The following NFX1 variants were observed in gnomAD, a reference collection of about 807,000 sequenced individuals.
NFX1 encodes transcriptional repressor NF-X1.
In NFX1, 69 loss-of-function variants were observed where a neutral mutation model predicts 137.2. The ratio of observed to expected loss-of-function variants is 0.50; its 90% CI spans 0.41 to 0.61. NFX1 has a LOEUF of 0.61. Ranked by LOEUF, NFX1 falls within the 20% of genes least tolerant of loss-of-function variation. The probability of loss-of-function intolerance (pLI) is 0.00; values close to 1 mark genes in which losing one functional copy is unlikely to be tolerated. For missense variants in NFX1, 1,167 were observed against 1,391.0 expected, an observed-to-expected ratio of 0.84 and a Z score of 2.56; for synonymous variants, 495 against 474.1, an observed-to-expected ratio of 1.04 and a Z score of -0.57.
At chr9:33,368,473 C>A (rs183757919) in intron 23 of NFX1, among the ~76,000 whole-genome samples, 2 of 152,266 alleles carry the variant, frequency 1.3e-5, no homozygotes, top group East Asian at 3.9e-4. Context: ...AGTTGGGTGA[C>A]TGTTGGGCTT....
At chr9:33,314,362 G>A (rs538253413) in intron 7 of NFX1, among the ~76,000 whole-genome samples, 2 of 151,942 alleles carry the variant, frequency 1.3e-5, no homozygotes, top group South Asian at 2.1e-4. Context: ...TATGGACCTA[G>A]AAAGACCAAA....
At chr9:33,292,385 A>G (rs938284329) in intron 1 of NFX1, among the ~76,000 whole-genome samples, 1 of 152,206 alleles carries the variant, frequency 6.6e-6, no homozygotes, top group South Asian at 2.1e-4. Context: ...AGACTCTGCA[A>G]TGCCAGCCTT....
At chr9:33,351,920 TAGAG>T (rs1823652177) in intron 16 of NFX1, 130 bp downstream of exon 16, 1 of 779,526 alleles carries the variant, frequency 1.3e-6, no homozygotes, top group Non-Finnish European at 1.9e-6. Context: ...AACCACAAGT[TAGAG>T]AAAGGTAGAG....
intron 17 of NFX1, 29 bp from the exon 18 acceptor site, chr9:33,354,057 T>A (rs757895913): frequency 6.4e-7 from 1 of 1,561,424 alleles, no homozygotes; most frequent in South Asian, 1.2e-5. Context: ...CTGCAATGCC[T>A]CTTTTTCCCT....
Position 33,319,078 on chromosome 9 carries a change from G to A in NFX1, c.1857G>A (p.Val619=), listed in dbSNP as rs546376893. The A allele has an allele frequency of 1.2e-6, 2 of 1,614,084 alleles. No individual in the cohort carries two copies. The highest frequency in any genetic ancestry group is 2.7e-5 in the African/African-American group (2 of 74,918). The part of the protein sequence containing the change: ...SSSRKTCMDP[V]PSCGKVCGKP... Reference sequence around the variant, plus strand: ...GTCGGAAAACATGCATGGACCCTGTGCCTTCATGTGGAAAAGTGTGCGGCA... The same window carrying A: ...GTCGGAAAACATGCATGGACCCTGTACCTTCATGTGGAAAAGTGTGCGGCA... The change falls in exon 9 of 24, where the codon GTG becomes GTA. Residue 619 remains valine, a synonymous_variant. Transcript: ENST00000379540.
At chr9:33,352,283 A>G in intron 16 of NFX1, 1 of 410,654 alleles carries the variant, frequency 2.4e-6, no homozygotes, top group Non-Finnish European at 4.8e-6. Context: ...AGCCTGGTCT[A>G]AAGGATCAAG....
chr9:33,322,338 C>T (rs1822417813), intron 9 of NFX1, among the ~76,000 whole-genome samples: 1 of 151,912 alleles, frequency 6.6e-6, no homozygotes. Flanking sequence ...CTAGTTCCTT[C>T]CTCCTCCCCT....
At chr9:33,363,599 A>G (rs761492650) in intron 19 of NFX1, among the ~76,000 whole-genome samples, 4 of 152,160 alleles carry the variant, frequency 2.6e-5, no homozygotes, top group African/African-American at 7.2e-5. Flanking sequence ...ATGTATAAAA[A>G]TGAAGTGTAT....
At chr9:33,349,959 A>G (rs925688295) in intron 15 of NFX1, among the ~76,000 whole-genome samples, 15 of 152,024 alleles carry the variant, frequency 9.9e-5, no homozygotes, top group Admixed American at 9.8e-4. Context: ...GTGAGACACG[A>G]TTGTGCAACT....
chr9:33,352,955 G>A (rs2118644771), intron 17 of NFX1: 1 of 438,942 alleles, frequency 2.3e-6, no homozygotes, highest in Middle Eastern at 6.6e-4. Context: ...GTTTTATTGA[G>A]AGGGGTCTCG....
In NFX1 at chr9:33,294,462, A is replaced by G. The variant is rs530380363; in HGVS notation, c.68A>G (p.Gln23Arg). ...FNTDAAEFIP[Q>R]EKKNSGLNCG... is the part of the protein sequence containing the mutation. ...ACAGATGCTGCTGAATTCATTCCTC[A>G]GGAGAAAAAAAATTCTGGTCTAAAT... The change falls in exon 2 of 24, where the codon CAG becomes CGG. Residue 23 changes from glutamine to arginine, a missense_variant. By Grantham distance (43) the Gln-to-Arg change is conservative. Coordinates refer to ENST00000379540, the MANE Select transcript of NFX1 (RefSeq NM_002504.6). 3.1e-6 allele frequency: 5 copies of G among 1,602,642 alleles called. No individual in the cohort carries two copies. The African/African-American group carries it at 4.0e-5, about 13-fold the overall frequency.
At chr9:33,310,486 T>C (rs532468442) in intron 5 of NFX1, among the ~76,000 whole-genome samples, 1 of 152,314 alleles carries the variant, frequency 6.6e-6, no homozygotes, top group African/African-American at 2.4e-5. Context: ...GCTCCTAAAA[T>C]AGCATTTTTC....
intron 9 of NFX1, among the ~76,000 whole-genome samples, chr9:33,321,017 T>C (rs1449451743): frequency 6.6e-6 from 1 of 152,200 alleles, no homozygotes; most frequent in Non-Finnish European, 1.5e-5. Flanking sequence ...GGTTCTCTGC[T>C]TGCCATGAAA....
intron 5 of NFX1, among the ~76,000 whole-genome samples, chr9:33,308,211 G>A (rs1348423983): frequency 6.6e-6 from 1 of 152,158 alleles, no homozygotes; most frequent in African/African-American, 2.4e-5. Flanking sequence ...GGAAGCCAAG[G>A]CAGGAGGATT....
intron 3 of NFX1, among the ~76,000 whole-genome samples, chr9:33,302,663 TTTTG>T (rs1249490432): frequency 4.0e-5 from 6 of 151,554 alleles, no homozygotes; most frequent in Admixed American, 3.3e-4. Flanking sequence ...AGTGGTTTTT[TTTTG>T]TTTGTTTTTG....
intron 3 of NFX1, 66 bp downstream of exon 3, chr9:33,301,487 C>G: frequency 6.6e-7 from 1 of 1,506,310 alleles, no homozygotes; most frequent in Non-Finnish European, 8.9e-7. Context: ...ATTATTAAGC[C>G]CAGCTTTAAA....
rs563063677 is a variant in NFX1, at chr9:33,328,217, G to A, written c.1907-364G>A. 1.6e-3 allele frequency among the ~76,000 whole-genome samples: 241 copies of A among 151,394 alleles called. 1 individual carries two copies. The highest frequency in any genetic ancestry group is 5.5e-3 in the African/African-American group (225 of 41,246). On this transcript the variant is annotated intron_variant, in intron 9 of 23. Transcript: ENST00000379540. The stretch of plus-strand genomic sequence containing the variant: ...GCTTTTTTTTTTTTTGGTAGACACA[G>A]GGTTTCACCATGTTCCCAGGTGATC...
At chr9:33,355,298 G>C (rs917766695) in intron 19 of NFX1, among the ~76,000 whole-genome samples, 1 of 152,128 alleles carries the variant, frequency 6.6e-6, no homozygotes, top group Non-Finnish European at 1.5e-5. Flanking sequence ...GTAATCATTT[G>C]TGTCACTAAA....
At chr9:33,297,118 C>T (rs1003674144) in intron 2 of NFX1, among the ~76,000 whole-genome samples, 4 of 152,154 alleles carry the variant, frequency 2.6e-5, no homozygotes, top group African/African-American at 9.7e-5. Context: ...CTCACAGCTC[C>T]CCCTCTCCTT....
Sources: gnomAD v4.1 joint callset for allele counts (sites outside exome capture counted in the v4.1 genomes callset) on GRCh38, gnomAD v4.1.1 for gene constraint, MANE v1.5 for transcripts, NCBI Gene and HGNC (gene_info 2026-07-23, HGNC 2026-07-21) for gene names.